Variants in EPSTI1 observed in about 807,000 individuals in gnomAD.
EPSTI1 encodes epithelial stromal interaction 1, also known as epithelial-stromal interaction protein 1.
EPSTI1 carries 66 observed loss-of-function variants against 49.9 expected under a neutral mutation model. That is an observed-to-expected ratio of 1.32 (90% CI 1.08 to 1.62). The LOEUF (loss-of-function observed/expected upper bound fraction) is 1.62, where lower values mean the gene tolerates loss of function less well. EPSTI1 is among the 40% of genes most tolerant of loss of function. The pLI, the probability that EPSTI1 is intolerant of heterozygous loss-of-function variation, is 0.00. For missense variants in EPSTI1, 394 were observed against 365.5 expected, an observed-to-expected ratio of 1.08 and a Z score of -0.64; for synonymous variants, 137 against 130.7, an observed-to-expected ratio of 1.05 and a Z score of -0.33.
chr13:42,919,235 G>A, intron 7 of EPSTI1: 1 of 1,482,548 alleles, frequency 6.7e-7, no homozygotes, highest in Non-Finnish European at 9.4e-7. Context: ...CACAGAAACT[G>A]GGAAGTCACA....
At chr13:42,972,320 G>A (rs2039788441) in intron 1 of EPSTI1, among the ~76,000 whole-genome samples, 1 of 152,280 alleles carries the variant, frequency 6.6e-6, no homozygotes, top group Admixed American at 6.5e-5. Context: ...TCAGTAGCCT[G>A]CGACTGGGTC....
intron 6 of EPSTI1, among the ~76,000 whole-genome samples, chr13:42,951,739 T>A (rs980504968): frequency 1.3e-5 from 2 of 152,248 alleles, no homozygotes; most frequent in South Asian, 2.1e-4. Flanking sequence ...CTCCAGAGAA[T>A]GAACCCATTC....
At chr13:42,990,353 T>C (rs1485491239) in intron 1 of EPSTI1, among the ~76,000 whole-genome samples, 4 of 152,184 alleles carry the variant, frequency 2.6e-5, no homozygotes. Flanking sequence ...CAATTTGATC[T>C]GGCAAGATTC....
Position 42,888,014 on chromosome 13 carries a change from A to C in EPSTI1, c.*480T>G, listed in dbSNP as rs577445489. Reference sequence around the variant, plus strand: ...AGAAGGAGTTCAAAATTTATTTATAAATTTGTGTAAAAGAATATAAGACCT... The same window carrying C: ...AGAAGGAGTTCAAAATTTATTTATACATTTGTGTAAAAGAATATAAGACCT... On this transcript the variant is annotated 3_prime_UTR_variant, in exon 11 of 11. Transcript: ENST00000313624. 36 of 339,654 alleles carry C rather than the reference A, an allele frequency of 1.1e-4. No homozygotes were observed. Among genetic ancestry groups the C allele is most frequent in the Middle Eastern group, 8.4e-4 (1 of 1,184 alleles). 21.0% of individuals were successfully genotyped at this position (339,654 alleles called of 1,614,324 possible).
chr13:42,954,240 A>G (rs766765509), intron 5 of EPSTI1, among the ~76,000 whole-genome samples: 1 of 152,208 alleles, frequency 6.6e-6, no homozygotes, highest in Non-Finnish European at 1.5e-5. Flanking sequence ...CCCTCTCCCA[A>G]CTTGATTGGT....
chr13:42,888,561 G>A, intron 10 of EPSTI1, 59 bp from the exon 11 acceptor site: 1 of 1,537,362 alleles, frequency 6.5e-7, no homozygotes, highest in South Asian at 1.3e-5. Flanking sequence ...CAAAGCCTTT[G>A]TAGTCAAAAA....
chr13:42,988,645 C>T (rs2040127546), intron 1 of EPSTI1, among the ~76,000 whole-genome samples: 1 of 151,484 alleles, frequency 6.6e-6, no homozygotes, highest in East Asian at 1.9e-4. Context: ...GCAGAGGAGT[C>T]GCTTGAACAC....
intron 6 of EPSTI1, among the ~76,000 whole-genome samples, chr13:42,941,480 G>A (rs1352307813): frequency 6.6e-6 from 1 of 151,596 alleles, no homozygotes; most frequent in Non-Finnish European, 1.5e-5. Context: ...AATTAGCTGG[G>A]CCTAGTGGTG....
chr13:42,940,219 A>G (rs1174158657), intron 6 of EPSTI1, among the ~76,000 whole-genome samples: 1 of 152,064 alleles, frequency 6.6e-6, no homozygotes, highest in Non-Finnish European at 1.5e-5. Flanking sequence ...TGAGTACCCT[A>G]TATGCCATTG....
intron 9 of EPSTI1, among the ~76,000 whole-genome samples, chr13:42,896,354 A>C (rs143403565): frequency 6.6e-6 from 1 of 152,254 alleles, no homozygotes; most frequent in Non-Finnish European, 1.5e-5. Flanking sequence ...CTCAACTATC[A>C]AGAAAAGGAA....
intron 6 of EPSTI1, among the ~76,000 whole-genome samples, chr13:42,947,875 G>A (rs753633176): frequency 1.1e-4 from 17 of 152,220 alleles, no homozygotes; most frequent in Non-Finnish European, 1.6e-4. Flanking sequence ...AGTTTCATCC[G>A]TCAGGGCTCT....
At chr13:42,924,086 G>A (rs1282623380) in intron 7 of EPSTI1, among the ~76,000 whole-genome samples, 1 of 152,166 alleles carries the variant, frequency 6.6e-6, no homozygotes, top group African/African-American at 2.4e-5. Context: ...GAAGTGCAAT[G>A]TACATATTTG....
At chr13:42,899,216 AAGAG>A (rs1297299470) in intron 9 of EPSTI1, among the ~76,000 whole-genome samples, 7 of 152,096 alleles carry the variant, frequency 4.6e-5, no homozygotes, top group African/African-American at 7.2e-5. Flanking sequence ...AAAAAGAAAA[AAGAG>A]AGAAAATAAT....
At chr13:42,907,884 C>T (rs2037542574) in intron 8 of EPSTI1, among the ~76,000 whole-genome samples, 1 of 152,126 alleles carries the variant, frequency 6.6e-6, no homozygotes, top group Non-Finnish European at 1.5e-5. Flanking sequence ...ATAACCAAAA[C>T]AGCGTGGTAC....
At chr13:42,970,984 T>C (rs1175010305) in intron 1 of EPSTI1, among the ~76,000 whole-genome samples, 1 of 152,198 alleles carries the variant, frequency 6.6e-6, no homozygotes, top group Non-Finnish European at 1.5e-5. Context: ...TCCTTTAAGA[T>C]GGCTTTAGAT....
intron 1 of EPSTI1, among the ~76,000 whole-genome samples, chr13:42,982,803 C>A (rs1594762555): frequency 6.6e-6 from 1 of 152,182 alleles, no homozygotes; most frequent in East Asian, 1.9e-4. Flanking sequence ...TAAAAAATTT[C>A]TCTGACCTTC....
rs188659610 is a variant in EPSTI1, at chr13:42,956,284, G to A, written c.490-2263C>T. 4.6e-5 allele frequency among the ~76,000 whole-genome samples: 7 copies of A among 152,220 alleles called. No individual in the cohort carries two copies. In the East Asian group the frequency reaches 1.4e-3, roughly 29 times the overall value. On this transcript the variant is annotated intron_variant, in intron 5 of 10. Transcript: ENST00000313624. ...CTTTGGGTAAGCTGCATGTTATGAGGGTGCTTCTTTCTATGGAGAGTGGAC... is the reference window on the plus strand; with the variant it reads ...CTTTGGGTAAGCTGCATGTTATGAGAGTGCTTCTTTCTATGGAGAGTGGAC...
chr13:42,937,337 T>C (rs533611992), intron 6 of EPSTI1, among the ~76,000 whole-genome samples: 2 of 152,366 alleles, frequency 1.3e-5, no homozygotes, highest in South Asian at 2.1e-4. Flanking sequence ...CCAGAGTTGC[T>C]GTGGCAATTT....
chr13:42,977,454 C>G (rs770749127), intron 1 of EPSTI1, among the ~76,000 whole-genome samples: 1 of 152,168 alleles, frequency 6.6e-6, no homozygotes. Flanking sequence ...GTGGAAGTCA[C>G]GGAGAGAGAT....
Sources: gnomAD v4.1 joint callset for allele counts (sites outside exome capture counted in the v4.1 genomes callset) on GRCh38, gnomAD v4.1.1 for gene constraint, MANE v1.5 for transcripts, NCBI Gene and HGNC (gene_info 2026-07-23, HGNC 2026-07-21) for gene names.